The following CNTNAP5 variants were observed in gnomAD, a reference collection of about 807,000 sequenced individuals.
CNTNAP5 encodes the protein contactin associated protein family member 5, also known as contactin-associated protein-like 5.
CNTNAP5 carries 72 observed loss-of-function variants against 150.2 expected under a neutral mutation model. The observed-to-expected ratio is 0.48, with a 90% CI of 0.40 to 0.58. The LOEUF is 0.58. Ranked by LOEUF, CNTNAP5 falls within the 20% of genes least tolerant of loss-of-function variation. The pLI is 0.00. For synonymous variants in CNTNAP5, 672 were observed against 619.8 expected, an observed-to-expected ratio of 1.08 and a Z score of -1.25; for missense variants, 1,636 against 1,626.2, an observed-to-expected ratio of 1.01 and a Z score of -0.10.
chr2:124,698,407 C>CACACACACACAT (rs55958089), intron 13 of CNTNAP5, among the ~76,000 whole-genome samples: 1 of 145,640 alleles, frequency 6.9e-6, no homozygotes, highest in African/African-American at 2.5e-5. Flanking sequence ...CACACACACA[C>CACACACACACAT]GTTTGCTTAT....
intron 1 of CNTNAP5, among the ~76,000 whole-genome samples, chr2:124,068,295 G>C (rs116688825): frequency 2.6e-5 from 4 of 152,090 alleles, no homozygotes; most frequent in African/African-American, 9.7e-5. Context: ...GAGACAGAGC[G>C]CAGCAACTGG....
chr2:124,522,569 G>T (rs1272280245), intron 8 of CNTNAP5, among the ~76,000 whole-genome samples: 1 of 152,208 alleles, frequency 6.6e-6, no homozygotes, highest in African/African-American at 2.4e-5. Flanking sequence ...CTGCACATTA[G>T]AACCACCCAA....
intron 3 of CNTNAP5, among the ~76,000 whole-genome samples, chr2:124,273,129 C>T (rs746107851): frequency 3.9e-5 from 6 of 152,084 alleles, no homozygotes; most frequent in Non-Finnish European, 5.9e-5. Context: ...TGCAACATAC[C>T]CAGTATAATG....
At chr2:124,543,230 G>A (rs926032709) in intron 10 of CNTNAP5, among the ~76,000 whole-genome samples, 1 of 152,066 alleles carries the variant, frequency 6.6e-6, no homozygotes, top group Non-Finnish European at 1.5e-5. Context: ...CCATAGCAAT[G>A]TATTTGAGCA....
intron 20 of CNTNAP5, among the ~76,000 whole-genome samples, chr2:124,865,886 G>A (rs1374521761): frequency 6.6e-6 from 1 of 151,918 alleles, no homozygotes; most frequent in African/African-American, 2.4e-5. Flanking sequence ...AGAGGTTGCA[G>A]TGAGCAGAAA....
chr2:124,751,756 C>T (rs990423493), intron 14 of CNTNAP5, among the ~76,000 whole-genome samples: 1 of 152,200 alleles, frequency 6.6e-6, no homozygotes, highest in Non-Finnish European at 1.5e-5. Flanking sequence ...AGAAAACTGA[C>T]TTGGCCTTGT....
chr2:124,542,903 G>C (rs754598478), intron 10 of CNTNAP5, among the ~76,000 whole-genome samples: 1 of 152,126 alleles, frequency 6.6e-6, no homozygotes, highest in Non-Finnish European at 1.5e-5. Flanking sequence ...AACTCAACAC[G>C]ACTCTTGGTT....
chr2:124,225,583 T>C (rs1686437213), intron 2 of CNTNAP5, among the ~76,000 whole-genome samples: 1 of 152,202 alleles, frequency 6.6e-6, no homozygotes, highest in Non-Finnish European at 1.5e-5. Flanking sequence ...ACAATCAAAT[T>C]AGCTAACACA....
At chr2:124,557,083 T>C (rs1209248436) in intron 10 of CNTNAP5, among the ~76,000 whole-genome samples, 1 of 151,652 alleles carries the variant, frequency 6.6e-6, no homozygotes, top group Non-Finnish European at 1.5e-5. Context: ...AGAGGACAAT[T>C]ATCTTTCTAA....
chr2:124,796,218 A>G (rs1216918167), intron 18 of CNTNAP5, among the ~76,000 whole-genome samples: 1 of 152,144 alleles, frequency 6.6e-6, no homozygotes, highest in Non-Finnish European at 1.5e-5. Context: ...AATGCTTTTC[A>G]TTTTCAATTT....
chr2:124,550,809 C>T (rs1400558317), intron 10 of CNTNAP5, among the ~76,000 whole-genome samples: 1 of 152,012 alleles, frequency 6.6e-6, no homozygotes, highest in Admixed American at 6.6e-5. Context: ...GGTTCTCTTC[C>T]TTTGTGAATT....
rs150030030 is a variant in CNTNAP5, at chr2:124,343,862, G to C, written c.382-73581G>C. Among the ~76,000 whole-genome samples the C allele has an allele frequency of 2.0e-5, 3 of 152,254 alleles. No individual in the cohort carries two copies. The East Asian group carries it at 5.8e-4, about 29-fold the overall frequency. The stretch of plus-strand genomic sequence containing the variant: ...CTGGGAAGTTTAGCCCTGGCTTCTG[G>C]TGAAAGCTTTCCTGCTGCATCGTAA... On this transcript the variant is annotated intron_variant, in intron 3 of 23. Transcript: ENST00000682447.
chr2:124,711,060 C>T (rs948558399), intron 13 of CNTNAP5, among the ~76,000 whole-genome samples: 1 of 152,016 alleles, frequency 6.6e-6, no homozygotes, highest in Non-Finnish European at 1.5e-5. Flanking sequence ...ATTACGAGGT[C>T]AGGAGTTGAA....
intron 1 of CNTNAP5, among the ~76,000 whole-genome samples, chr2:124,109,003 T>C (rs1417319004): frequency 1.3e-5 from 2 of 151,924 alleles, no homozygotes; most frequent in Non-Finnish European, 2.9e-5. Context: ...TTTCCAGAGA[T>C]AAATTAAGTA....
At chr2:124,859,198 A>C (rs922293896) in intron 19 of CNTNAP5, among the ~76,000 whole-genome samples, 2 of 152,164 alleles carry the variant, frequency 1.3e-5, no homozygotes, top group Admixed American at 1.3e-4. Context: ...CAATGAACTC[A>C]AACAAATTTA....
At chr2:124,735,856 C>A (rs1394098623) in intron 13 of CNTNAP5, among the ~76,000 whole-genome samples, 1 of 152,086 alleles carries the variant, frequency 6.6e-6, no homozygotes, top group Non-Finnish European at 1.5e-5. Flanking sequence ...GTGATGTGAA[C>A]CTCGTTTCGA....
intron 21 of CNTNAP5, among the ~76,000 whole-genome samples, chr2:124,873,698 A>T (rs1339285443): frequency 6.6e-6 from 1 of 152,096 alleles, no homozygotes; most frequent in African/African-American, 2.4e-5. Context: ...ACAGGAAGAG[A>T]TGGTATTAAA....
At chr2:124,533,176 T>G (rs1262757407) in intron 10 of CNTNAP5, among the ~76,000 whole-genome samples, 1 of 152,138 alleles carries the variant, frequency 6.6e-6, no homozygotes, top group African/African-American at 2.4e-5. Context: ...CCTAAAGCAT[T>G]AGTCTCAAGA....
intron 13 of CNTNAP5, among the ~76,000 whole-genome samples, chr2:124,731,718 G>A (rs1043374653): frequency 4.0e-5 from 6 of 151,890 alleles, no homozygotes; most frequent in Admixed American, 6.6e-5. Flanking sequence ...GTAAGAATGT[G>A]TGTATGGGTG....
Sources: gnomAD v4.1 joint callset for allele counts (sites outside exome capture counted in the v4.1 genomes callset) on GRCh38, gnomAD v4.1.1 for gene constraint, MANE v1.5 for transcripts, NCBI Gene and HGNC (gene_info 2026-07-23, HGNC 2026-07-21) for gene names.